The following SGCD variants were observed in gnomAD, a reference collection of about 807,000 sequenced individuals.
SGCD encodes delta-sarcoglycan.
SGCD carries 18 observed loss-of-function variants against 36.6 expected under a neutral mutation model. The observed-to-expected ratio is 0.49, with a 90% CI of 0.34 to 0.73. SGCD has a LOEUF of 0.73. Among genes scored for constraint, SGCD ranks in the 30% least tolerant of loss-of-function variants. The pLI is 0.01. For synonymous variants in SGCD, 133 were observed against 130.6 expected, an observed-to-expected ratio of 1.02 and a Z score of -0.12; for missense variants, 387 against 346.7, an observed-to-expected ratio of 1.12 and a Z score of -0.92.
chr5:156,700,360 A>C (rs554301951), intron 7 of SGCD, among the ~76,000 whole-genome samples: 1 of 152,072 alleles, frequency 6.6e-6, no homozygotes, highest in Non-Finnish European at 1.5e-5. Flanking sequence ...TCTTCTTGGT[A>C]GCTTTGTTTC....
intron 1 of SGCD, among the ~76,000 whole-genome samples, chr5:155,889,726 ATGCAT>A (rs1405872266): frequency 1.3e-5 from 2 of 152,190 alleles, no homozygotes; most frequent in Admixed American, 1.3e-4. Context: ...GTGGCATCAA[ATGCAT>A]TGCCTGCCAC....
chr5:156,127,745 T>G (rs1762209179), intron 3 of SGCD, among the ~76,000 whole-genome samples: 1 of 145,086 alleles, frequency 6.9e-6, no homozygotes, highest in Admixed American at 7.2e-5. Flanking sequence ...CTTGAACAAA[T>G]AATACAAAAC....
rs567366372 is a variant in SGCD, at chr5:156,288,166, A to G, written c.-43-41368A>G. On this transcript the variant is annotated intron_variant, in intron 3 of 9. Coordinates refer to the SGCD transcript ENST00000517913. ...TCATGTCAGAAAATAGTTTGGAAAT[A>G]GTCAATTTGGTAGAACTCTCGGGAG... Among the ~76,000 whole-genome samples, 16 of 152,294 alleles carry G rather than the reference A, an allele frequency of 1.1e-4. No homozygotes were observed. In the East Asian group the frequency reaches 3.1e-3, roughly 29 times the overall value.
intron 1 of SGCD, among the ~76,000 whole-genome samples, chr5:156,114,348 CCTCCTCTCCA>C (rs1761860504): frequency 6.6e-6 from 1 of 151,982 alleles, no homozygotes; most frequent in Admixed American, 6.6e-5. Context: ...GACGTAGCCC[CCTCCTCTCCA>C]TCACAGGTAC....
intron 3 of SGCD, among the ~76,000 whole-genome samples, chr5:156,474,548 G>A (rs565295062): frequency 1.5e-4 from 23 of 152,296 alleles, no homozygotes; most frequent in South Asian, 8.3e-4. Flanking sequence ...CAAGCTTGCC[G>A]ACAGCTCTCT....
In SGCD at chr5:156,329,593, G is replaced by T. The variant is rs538229806; in HGVS notation, c.3+14G>T. ...CAGGTGGAGATGGTGAGTAATTCCC[G>T]GGAGCGAAGCTTGTTCAAGGCCCTG... On this transcript the variant is annotated intron_variant, in intron 2 of 8. Transcript: ENST00000337851. 1.9e-6 allele frequency: 3 copies of T among 1,611,766 alleles called. No homozygotes were observed. The highest frequency in any genetic ancestry group is 2.5e-6 in the Non-Finnish European group (3 of 1,178,510).
At chr5:155,907,404 T>C (rs947603965) in intron 1 of SGCD, among the ~76,000 whole-genome samples, 1 of 152,116 alleles carries the variant, frequency 6.6e-6, no homozygotes, top group African/African-American at 2.4e-5. Context: ...AAACATTTCA[T>C]AAGGCTATAG....
intron 3 of SGCD, among the ~76,000 whole-genome samples, chr5:156,204,814 C>T (rs781052783): frequency 2.3e-4 from 35 of 152,090 alleles, no homozygotes; most frequent in Middle Eastern, 6.8e-3. Flanking sequence ...AGATGTAAGT[C>T]GTAAGTAGCT....
At chr5:156,203,899 T>A (rs542848129) in intron 3 of SGCD, among the ~76,000 whole-genome samples, 11 of 152,182 alleles carry the variant, frequency 7.2e-5, no homozygotes, top group African/African-American at 2.6e-4. Context: ...TGACTGGGAA[T>A]AGAAATTTTT....
intron 3 of SGCD, among the ~76,000 whole-genome samples, chr5:156,263,236 G>A (rs1414813090): frequency 6.6e-6 from 1 of 152,064 alleles, no homozygotes; most frequent in African/African-American, 2.4e-5. Context: ...CAGTGTAAAA[G>A]TGTTCCCTTT....
intron 3 of SGCD, among the ~76,000 whole-genome samples, chr5:156,472,583 A>G (rs1419571283): frequency 6.6e-6 from 1 of 152,058 alleles, no homozygotes; most frequent in Non-Finnish European, 1.5e-5. Context: ...ACACCCGGCT[A>G]ATTTTTGTAT....
At chr5:156,034,097 A>G (rs1759429403) in intron 1 of SGCD, among the ~76,000 whole-genome samples, 1 of 151,616 alleles carries the variant, frequency 6.6e-6, no homozygotes, top group African/African-American at 2.4e-5. Context: ...CTCCTACCCC[A>G]CTCCTCACAC....
intron 3 of SGCD, among the ~76,000 whole-genome samples, chr5:156,249,864 C>A (rs1000921435): frequency 6.6e-6 from 1 of 151,966 alleles, no homozygotes; most frequent in Non-Finnish European, 1.5e-5. Flanking sequence ...CAAAGAAAAA[C>A]CAAAATCATA....
chr5:156,490,008 A>G (rs1169523528), intron 3 of SGCD, among the ~76,000 whole-genome samples: 2 of 151,868 alleles, frequency 1.3e-5, no homozygotes, highest in Non-Finnish European at 2.9e-5. Context: ...GACTCAAATA[A>G]TTAAAATTAG....
At chr5:156,625,868 T>C (rs1762421061) in intron 6 of SGCD, among the ~76,000 whole-genome samples, 1 of 152,202 alleles carries the variant, frequency 6.6e-6, no homozygotes, top group Admixed American at 6.5e-5. Flanking sequence ...AGCCTATCAT[T>C]AAATTCTGAG....
At chr5:156,523,588 T>G (rs1757501430) in intron 4 of SGCD, among the ~76,000 whole-genome samples, 1 of 152,196 alleles carries the variant, frequency 6.6e-6, no homozygotes, top group Admixed American at 6.5e-5. Context: ...TTTCTTTTAA[T>G]ATGTGTGCTT....
intron 3 of SGCD, among the ~76,000 whole-genome samples, chr5:156,192,431 G>A (rs1244716848): frequency 6.6e-6 from 1 of 152,072 alleles, no homozygotes; most frequent in Non-Finnish European, 1.5e-5. Context: ...TTGATCTCAT[G>A]GTGATAGAGA....
intron 3 of SGCD, among the ~76,000 whole-genome samples, chr5:156,291,829 CAT>C (rs1178564706): frequency 1.3e-5 from 2 of 152,082 alleles, no homozygotes; most frequent in African/African-American, 2.4e-5. Context: ...AGCTAAATAA[CAT>C]ATGCATTACC....
chr5:155,925,982 C>G (rs1214651952), intron 1 of SGCD, among the ~76,000 whole-genome samples: 1 of 151,910 alleles, frequency 6.6e-6, no homozygotes, highest in Non-Finnish European at 1.5e-5. Flanking sequence ...ATGCTGGTCT[C>G]AAATTCCTGG....
Sources: gnomAD v4.1 joint callset for allele counts (sites outside exome capture counted in the v4.1 genomes callset) on GRCh38, gnomAD v4.1.1 for gene constraint, MANE v1.5 for transcripts, NCBI Gene and HGNC (gene_info 2026-07-23, HGNC 2026-07-21) for gene names.